The following GLIPR2 variants were observed in gnomAD, a reference collection of about 807,000 sequenced individuals.
GLIPR2 encodes the protein GLI pathogenesis related 2.
Under a neutral mutation model 20.4 loss-of-function variants are expected in GLIPR2, and 21 were observed. The observed-to-expected ratio is 1.03, with a 90% CI of 0.73 to 1.48. GLIPR2 has a LOEUF of 1.48. Ranked by LOEUF, GLIPR2 falls within the 40% of genes most tolerant of loss-of-function variation. The probability of loss-of-function intolerance (pLI) is 0.00; values close to 1 mark genes in which losing one functional copy is unlikely to be tolerated. For synonymous variants in GLIPR2, 91 were observed against 80.5 expected, an observed-to-expected ratio of 1.13 and a Z score of -0.70; for missense variants, 205 against 200.1, an observed-to-expected ratio of 1.02 and a Z score of -0.15.
chr9:36,143,378 C>T (rs1825175695), intron 1 of GLIPR2, among the ~76,000 whole-genome samples: 1 of 152,204 alleles, frequency 6.6e-6, no homozygotes, highest in African/African-American at 2.4e-5. Context: ...TCCTCCTTTC[C>T]TGACGCATTT....
At chr9:36,156,178 C>G (rs1825819977) in intron 4 of GLIPR2, among the ~76,000 whole-genome samples, 1 of 152,018 alleles carries the variant, frequency 6.6e-6, no homozygotes, top group Admixed American at 6.6e-5. Flanking sequence ...CCACTGCACT[C>G]CAGCCTGGGT....
intron 1 of GLIPR2, among the ~76,000 whole-genome samples, chr9:36,137,267 T>C (rs1423503231): frequency 6.6e-6 from 1 of 152,104 alleles, no homozygotes; most frequent in Non-Finnish European, 1.5e-5. Flanking sequence ...CTGGCTCCCT[T>C]TCTCCTGGGG....
In GLIPR2 at chr9:36,163,288, G is replaced by C. The variant is rs958702297; in HGVS notation, c.*766G>C. Reference sequence around the variant, plus strand: ...GCTACCCCTGGTTTCTGGAGAGTTGGGCTAGGCCTGAAGCTCCCCCTCCCC... The same window carrying C: ...GCTACCCCTGGTTTCTGGAGAGTTGCGCTAGGCCTGAAGCTCCCCCTCCCC... On this transcript the variant is annotated 3_prime_UTR_variant, in exon 5 of 5. Coordinates refer to ENST00000377960, the MANE Select transcript of GLIPR2 (RefSeq NM_022343.4). 4.9e-6 allele frequency: 1 copy of C among 203,240 alleles called. No homozygotes were observed. Among genetic ancestry groups the C allele is most frequent in the African/African-American group, 2.4e-5 (1 of 41,788 alleles). The allele number at this position is 203,240 out of a possible 1,614,324, so 12.6% of individuals were successfully genotyped here.
intron 3 of GLIPR2, among the ~76,000 whole-genome samples, chr9:36,149,095 T>C (rs375105878): frequency 6.6e-6 from 1 of 152,104 alleles, no homozygotes. Flanking sequence ...ACTTTTATAA[T>C]AGGAGAAAAG....
At chr9:36,148,439 CTG>C in intron 2 of GLIPR2, 106 bp from the exon 3 acceptor site, 1 of 723,598 alleles carries the variant, frequency 1.4e-6, no homozygotes, top group Admixed American at 2.1e-5. Context: ...TGGTGCTCCT[CTG>C]TGAGCCCGGG....
At chr9:36,157,336 A>ATTTTTATTTTTTTAT (rs1825877553) in intron 4 of GLIPR2, among the ~76,000 whole-genome samples, 1 of 147,778 alleles carries the variant, frequency 6.8e-6, no homozygotes, top group South Asian at 2.2e-4. Flanking sequence ...TCTCTTTTTT[A>ATTTTTATTTTTTTAT]TTTTTATTTT....
At position 36,143,327 on chromosome 9, in the gene GLIPR2, C is replaced by G. The variant is rs573269483; in HGVS notation, c.14-4459C>G. On this transcript the variant is annotated intron_variant, in intron 1 of 4. Transcript: ENST00000377960. Reference sequence around the variant, plus strand: ...GGCTCTTTCTGTGCTGTTGCCTCCTCCATTCATGCTTCCTGAGCCAGGAAC... The same window carrying G: ...GGCTCTTTCTGTGCTGTTGCCTCCTGCATTCATGCTTCCTGAGCCAGGAAC... Among the ~76,000 whole-genome samples, 20 of 152,276 alleles carry G rather than the reference C, an allele frequency of 1.3e-4. No individual in the cohort carries two copies. The East Asian group carries it at 3.9e-3, about 29-fold the overall frequency.
chr9:36,140,211 A>T (rs1396521282), intron 1 of GLIPR2, among the ~76,000 whole-genome samples: 2 of 151,648 alleles, frequency 1.3e-5, no homozygotes. Context: ...ACTTCCACAC[A>T]CCCTCTCATC....
chr9:36,159,261 G>A (rs915161184), intron 4 of GLIPR2, among the ~76,000 whole-genome samples: 8 of 152,162 alleles, frequency 5.3e-5, no homozygotes, highest in South Asian at 2.1e-4. Context: ...CTGGAGGGTG[G>A]AGCAGTAGCT....
intron 3 of GLIPR2, among the ~76,000 whole-genome samples, chr9:36,148,951 G>A (rs762651167): frequency 1.9e-4 from 29 of 152,118 alleles, no homozygotes; most frequent in Admixed American, 4.6e-4. Context: ...GAGACAGACC[G>A]CTTTTGTACA....
At chr9:36,155,729 G>T (rs1268577925) in intron 4 of GLIPR2, among the ~76,000 whole-genome samples, 1 of 152,154 alleles carries the variant, frequency 6.6e-6, no homozygotes. Flanking sequence ...AGAACTAGAA[G>T]AGTGTGTACA....
chr9:36,160,455 T>G (rs550446157), intron 4 of GLIPR2, among the ~76,000 whole-genome samples: 2 of 151,488 alleles, frequency 1.3e-5, no homozygotes, highest in Non-Finnish European at 2.9e-5. Flanking sequence ...ATCATGCCAC[T>G]GAACTCCATC....
intron 1 of GLIPR2, among the ~76,000 whole-genome samples, chr9:36,140,842 C>T (rs1443229796): frequency 6.6e-6 from 1 of 152,150 alleles, no homozygotes; most frequent in Admixed American, 6.5e-5. Flanking sequence ...ACCCCAGTTT[C>T]CTCATCTGTA....
intron 4 of GLIPR2, among the ~76,000 whole-genome samples, chr9:36,159,702 C>T (rs888470813): frequency 6.6e-6 from 1 of 152,094 alleles, no homozygotes; most frequent in Admixed American, 6.6e-5. Flanking sequence ...CATGGTGGCT[C>T]ACACCTGTAA....
At chr9:36,150,205 C>T (rs887039180) in intron 3 of GLIPR2, among the ~76,000 whole-genome samples, 1 of 152,198 alleles carries the variant, frequency 6.6e-6, no homozygotes, top group Non-Finnish European at 1.5e-5. Context: ...ATGCAGAATC[C>T]TAGGTCCCTC....
intron 4 of GLIPR2, among the ~76,000 whole-genome samples, chr9:36,158,991 G>T (rs1825947207): frequency 6.6e-6 from 1 of 152,178 alleles, no homozygotes; most frequent in Non-Finnish European, 1.5e-5. Context: ...CTTGAACACA[G>T]GAGGCAGAGG....
chr9:36,161,375 T>C (rs1214407141), intron 4 of GLIPR2, among the ~76,000 whole-genome samples: 2 of 152,044 alleles, frequency 1.3e-5, no homozygotes, highest in East Asian at 3.9e-4. Context: ...AAATCTGAGA[T>C]GCCTGTGAGT....
At chr9:36,159,586 A>G (rs1825972426) in intron 4 of GLIPR2, among the ~76,000 whole-genome samples, 1 of 152,214 alleles carries the variant, frequency 6.6e-6, no homozygotes, top group Non-Finnish European at 1.5e-5. Flanking sequence ...AATCAAGCAA[A>G]TGCATCACAC....
Position 36,141,302 on chromosome 9 carries a change from G to A in GLIPR2, c.13+4511G>A, listed in dbSNP as rs557314400. On this transcript the variant is annotated intron_variant, in intron 1 of 4. Transcript: ENST00000377960. ...CGGGGATTTGGCTGTTGAAATTCCC[G>A]GATCCGGCTTAAAGAGCAGGAGTTA... is the stretch of plus-strand genomic sequence containing the variant. 1.4e-4 allele frequency among the ~76,000 whole-genome samples: 21 copies of A among 152,196 alleles called. No individual in the cohort carries two copies. The South Asian group carries it at 3.5e-3, about 26-fold the overall frequency.
Sources: allele counts gnomAD v4.1 joint callset (sites outside exome capture counted in the v4.1 genomes callset), GRCh38; gene constraint gnomAD v4.1.1; transcripts MANE v1.5; gene names NCBI Gene and HGNC (gene_info 2026-07-23, HGNC 2026-07-21).